The following LRRIQ3 variants were observed in gnomAD, a reference collection of about 807,000 sequenced individuals.
LRRIQ3 encodes leucine-rich repeat and IQ domain-containing protein 3.
LRRIQ3 carries 75 observed loss-of-function variants against 59.3 expected under a neutral mutation model. The ratio of observed to expected loss-of-function variants is 1.26; its 90% confidence interval spans 1.05 to 1.53. LRRIQ3 has a LOEUF of 1.53. Ranked by LOEUF, LRRIQ3 falls within the 40% of genes most tolerant of loss-of-function variation. LRRIQ3 has a pLI of 0.00. For missense variants in LRRIQ3, 831 were observed against 710.0 expected, an observed-to-expected ratio of 1.17 and a Z score of -1.94; for synonymous variants, 250 against 231.3, an observed-to-expected ratio of 1.08 and a Z score of -0.73.
chr1:74,107,636 T>C (rs958976492), intron 5 of LRRIQ3, among the ~76,000 whole-genome samples: 2 of 149,936 alleles, frequency 1.3e-5, no homozygotes, highest in African/African-American at 4.9e-5. Context: ...GAATAATATA[T>C]CAACTAAGTG....
At chr1:74,028,891 C>T (rs1415040301) in intron 7 of LRRIQ3, among the ~76,000 whole-genome samples, 8 of 151,726 alleles carry the variant, frequency 5.3e-5, no homozygotes, top group Non-Finnish European at 1.0e-4. Flanking sequence ...CAGGTCTGGA[C>T]GTGTAGCAGA....
At chr1:74,151,888 A>G (rs1648007997) in intron 4 of LRRIQ3, among the ~76,000 whole-genome samples, 1 of 152,206 alleles carries the variant, frequency 6.6e-6, no homozygotes, top group African/African-American at 2.4e-5. Flanking sequence ...CACAAACACA[A>G]TAGGAGTAGT....
At chr1:74,035,431 A>G (rs567017719) in intron 7 of LRRIQ3, among the ~76,000 whole-genome samples, 15 of 152,220 alleles carry the variant, frequency 9.9e-5, no homozygotes, top group Admixed American at 3.3e-4. Flanking sequence ...GTTCTTAAAA[A>G]TGTTCCTTGG....
chr1:74,104,508 G>T (rs180793718), intron 5 of LRRIQ3, among the ~76,000 whole-genome samples: 1 of 152,024 alleles, frequency 6.6e-6, no homozygotes, highest in East Asian at 1.9e-4. Context: ...TAAAATGTGT[G>T]CTCAAAGCCA....
Position 74,156,652 on chromosome 1 carries a change from T to C in LRRIQ3, c.574-786A>G, listed in dbSNP as rs187124859. ...ACTCTGTCAGCCCCCATAAATAAAA[T>C]TGATATACTTTGATTCATAAAATAA... On this transcript the variant is annotated intron_variant, in intron 3 of 7. Transcript: ENST00000354431. Among the ~76,000 whole-genome samples the C allele has an allele frequency of 4.0e-4, 61 of 152,238 alleles. No homozygotes were observed. The East Asian group carries it at 5.2e-3, about 13-fold the overall frequency.
At chr1:74,059,511 A>C (rs1654638217) in intron 6 of LRRIQ3, among the ~76,000 whole-genome samples, 1 of 152,060 alleles carries the variant, frequency 6.6e-6, no homozygotes, top group African/African-American at 2.4e-5. Flanking sequence ...TTCCTCAATA[A>C]ATTATCTTGG....
chr1:74,180,496 C>G, intron 3 of LRRIQ3: 1 of 443,050 alleles, frequency 2.3e-6, no homozygotes, highest in South Asian at 5.1e-5. Context: ...GAAGTATGAC[C>G]AAACTTATCT....
chr1:74,063,378 T>C (rs1654783899), intron 6 of LRRIQ3, among the ~76,000 whole-genome samples: 1 of 152,034 alleles, frequency 6.6e-6, no homozygotes, highest in Non-Finnish European at 1.5e-5. Flanking sequence ...ATTCTGCTAT[T>C]GATGAGTGGT....
intron 6 of LRRIQ3, among the ~76,000 whole-genome samples, chr1:74,049,949 AG>A (rs1238809007): frequency 7.4e-6 from 1 of 135,158 alleles, no homozygotes; most frequent in Non-Finnish European, 1.5e-5. Flanking sequence ...TTTGAGACGG[AG>A]TCTCACTCTG....
intron 4 of LRRIQ3, among the ~76,000 whole-genome samples, chr1:74,146,787 C>T (rs1647598172): frequency 6.6e-6 from 1 of 152,152 alleles, no homozygotes; most frequent in Non-Finnish European, 1.5e-5. Flanking sequence ...GCACACAGTG[C>T]CAAGCCAGAA....
chr1:74,175,906 T>C (rs1407945586), intron 3 of LRRIQ3, among the ~76,000 whole-genome samples: 2 of 152,174 alleles, frequency 1.3e-5, no homozygotes, highest in African/African-American at 4.8e-5. Flanking sequence ...CCTCTTAACA[T>C]CCCTTTACAC....
chr1:74,038,642 C>A (rs1204122878), intron 7 of LRRIQ3, among the ~76,000 whole-genome samples: 1 of 152,170 alleles, frequency 6.6e-6, no homozygotes, highest in Non-Finnish European at 1.5e-5. Context: ...CCAACCTCCT[C>A]AAGTGACATC....
At position 74,109,547 on chromosome 1, in the gene LRRIQ3, C is replaced by A; in HGVS notation, c.714G>T (p.Val238=). Residue 238 remains valine, a synonymous_variant, in exon 5 of 8, where the codon GTG becomes GTT. Transcript: ENST00000354431. The part of the protein sequence containing the change: ...GFLVRKNLSP[V]FFHKKKQQEK... ...CCTGCTGTTTTTTTTTGTGGAAAAA[C>A]ACAGGGCTGAATATAAGGGGAGGGG... 2 of 1,553,686 alleles carry A rather than the reference C, an allele frequency of 1.3e-6. No individual in the cohort carries two copies. The highest frequency in any genetic ancestry group is 1.7e-6 in the Non-Finnish European group (2 of 1,157,688).
intron 4 of LRRIQ3, among the ~76,000 whole-genome samples, chr1:74,110,259 T>C (rs1646676681): frequency 1.3e-5 from 2 of 151,888 alleles, no homozygotes; most frequent in South Asian, 2.1e-4. Context: ...TGTACTACAA[T>C]GCCTACTGGT....
intron 5 of LRRIQ3, among the ~76,000 whole-genome samples, chr1:74,100,615 A>G (rs139304174): frequency 0.016 from 2,406 of 152,314 alleles, 72 homozygotes; most frequent in African/African-American, 0.055. Flanking sequence ...TCCTAAGCCA[A>G]AAGAACAAAG....
intron 4 of LRRIQ3, among the ~76,000 whole-genome samples, chr1:74,135,017 T>A (rs1026067959): frequency 3.3e-5 from 5 of 151,938 alleles, no homozygotes; most frequent in Non-Finnish European, 5.9e-5. Flanking sequence ...CAAAAGAAAC[T>A]TTAAAATTCA....
chr1:74,053,909 T>C (rs1243502171), intron 6 of LRRIQ3, among the ~76,000 whole-genome samples: 1 of 152,124 alleles, frequency 6.6e-6, no homozygotes, highest in African/African-American at 2.4e-5. Context: ...CTCTCATTCA[T>C]TGCTGGTAGG....
At chr1:74,187,748 AAAC>A (rs1351643831) in intron 1 of LRRIQ3, among the ~76,000 whole-genome samples, 1 of 152,044 alleles carries the variant, frequency 6.6e-6, no homozygotes, top group Admixed American at 6.6e-5. Flanking sequence ...AAAAATTAAA[AAAC>A]AACAAAAAAA....
At chr1:74,134,796 T>C (rs975331965) in intron 4 of LRRIQ3, among the ~76,000 whole-genome samples, 1 of 147,128 alleles carries the variant, frequency 6.8e-6, no homozygotes, top group Non-Finnish European at 1.5e-5. Flanking sequence ...CAGTAGAAAA[T>C]ACCTGTTTAA....
Sources: allele counts gnomAD v4.1 joint callset (sites outside exome capture counted in the v4.1 genomes callset), GRCh38; gene constraint gnomAD v4.1.1; transcripts MANE v1.5; gene names NCBI Gene and HGNC (gene_info 2026-07-23, HGNC 2026-07-21).